Variants in PDZRN3 observed in about 807,000 individuals in gnomAD.
PDZRN3 encodes the protein E3 ubiquitin-protein ligase PDZRN3.
Under a neutral mutation model 85.7 loss-of-function variants are expected in PDZRN3, and 38 were observed. The observed-to-expected ratio is 0.44, with a 90% confidence interval of 0.34 to 0.58. The LOEUF (loss-of-function observed/expected upper bound fraction) is 0.58. PDZRN3 is among the 20% of genes least tolerant of loss of function. The pLI, the probability that PDZRN3 is intolerant of heterozygous loss-of-function variation, is 0.01. For synonymous variants in PDZRN3, 759 were observed against 638.0 expected, an observed-to-expected ratio of 1.19 and a Z score of -2.86; for missense variants, 1,629 against 1,506.4, an observed-to-expected ratio of 1.08 and a Z score of -1.35.
At chr3:73,608,456 T>C in intron 2 of PDZRN3, 142 bp downstream of exon 2, 1 of 675,104 alleles carries the variant, frequency 1.5e-6, no homozygotes, top group Non-Finnish European at 2.7e-6. Context: ...GTGAAGATGT[T>C]AGACAGCCAA....
At chr3:73,419,683 A>G (rs1332276334) in intron 3 of PDZRN3, among the ~76,000 whole-genome samples, 1 of 152,186 alleles carries the variant, frequency 6.6e-6, no homozygotes, top group African/African-American at 2.4e-5. Flanking sequence ...CGTGCCTTAC[A>G]GATGAGCTCA....
chr3:73,393,795 G>A (rs548557050), intron 5 of PDZRN3, among the ~76,000 whole-genome samples: 1 of 152,232 alleles, frequency 6.6e-6, no homozygotes, highest in Admixed American at 6.5e-5. Flanking sequence ...GCTCTGTTAT[G>A]TAGAAAACGA....
Position 73,383,381 on chromosome 3 carries a change from G to T in PDZRN3, c.3185C>A (p.Ser1062Ter). 1 of 1,610,176 alleles carries T rather than the reference G, an allele frequency of 6.2e-7. No homozygotes were observed. Among genetic ancestry groups the T allele is most frequent in the Non-Finnish European group, 8.5e-7 (1 of 1,177,916 alleles). The change falls in exon 10 of 10, where the codon TCG becomes TAG. Residue 1062 changes from serine to a stop codon, truncating the protein, a stop_gained. Transcript: ENST00000263666. LOFTEE classifies it high-confidence loss of function. ...DGTRVYNSFL[S>*]VTTV ...AAGTGAAAATTATACAGTAGTCACC[G>T]ATAGGAAGGAATTGTATACTCTAGT...
At chr3:73,588,858 G>A (rs779677266) in intron 3 of PDZRN3, among the ~76,000 whole-genome samples, 4 of 152,150 alleles carry the variant, frequency 2.6e-5, no homozygotes, top group Non-Finnish European at 4.4e-5. Flanking sequence ...ACTGACTCAA[G>A]TCTGAGAAAC....
At chr3:73,464,015 T>A (rs894181508) in intron 3 of PDZRN3, among the ~76,000 whole-genome samples, 1 of 152,176 alleles carries the variant, frequency 6.6e-6, no homozygotes, top group African/African-American at 2.4e-5. Flanking sequence ...AGACAGAGTC[T>A]TACACCGTCT....
rs879510100 is a variant in PDZRN3 at position 73,563,013 on chromosome 3, ATT to A, written c.918+39339_918+39340del. Among the ~76,000 whole-genome samples, 381 of 43,476 alleles carry A rather than the reference ATT, an allele frequency of 8.8e-3. 1 individual carries two copies. The highest frequency in any genetic ancestry group is 0.012 in the Non-Finnish European group (319 of 26,706). 28.5% of individuals were successfully genotyped at this position (43,476 alleles called of 152,430 possible). On this transcript the variant is annotated intron_variant, in intron 3 of 9. Transcript: ENST00000263666. ...TATATATATATATATATATATATAT[ATT>A]TTTTTTTTTTTTTTTTTTTTTGAGA... is the stretch of plus-strand genomic sequence containing the variant.
chr3:73,411,986 G>C (rs1701982342), intron 3 of PDZRN3, among the ~76,000 whole-genome samples: 2 of 152,168 alleles, frequency 1.3e-5, no homozygotes, highest in Non-Finnish European at 2.9e-5. Context: ...AGACAAAAAC[G>C]AGAGACACAG....
intron 3 of PDZRN3, among the ~76,000 whole-genome samples, chr3:73,472,794 GA>G (rs1419200624): frequency 6.6e-6 from 1 of 152,164 alleles, no homozygotes; most frequent in East Asian, 1.9e-4. Flanking sequence ...GTATCGTTCA[GA>G]AAGCTGGATT....
intron 3 of PDZRN3, among the ~76,000 whole-genome samples, chr3:73,407,580 T>C (rs2106737360): frequency 6.6e-6 from 1 of 152,328 alleles, no homozygotes; most frequent in East Asian, 1.9e-4. Context: ...CCTAGAGACA[T>C]TCTTCTATGT....
intron 3 of PDZRN3, among the ~76,000 whole-genome samples, chr3:73,577,962 A>G (rs1255079914): frequency 1.3e-5 from 2 of 152,196 alleles, no homozygotes; most frequent in Non-Finnish European, 2.9e-5. Flanking sequence ...ACAGAGTTGA[A>G]TGGTTGAAGC....
At chr3:73,391,799 A>AT (rs138067568) in intron 5 of PDZRN3, among the ~76,000 whole-genome samples, 179 of 152,308 alleles carry the variant, frequency 1.2e-3, no homozygotes, top group African/African-American at 3.9e-3. Context: ...TTAGGGTGCC[A>AT]TCCTAGGGCT....
intron 1 of PDZRN3, among the ~76,000 whole-genome samples, chr3:73,619,391 A>G (rs748333087): frequency 6.6e-6 from 1 of 152,216 alleles, no homozygotes; most frequent in Non-Finnish European, 1.5e-5. Flanking sequence ...GAGGATAACC[A>G]AAGTAAGAGT....
At chr3:73,582,371 T>C (rs1258008013) in intron 3 of PDZRN3, among the ~76,000 whole-genome samples, 1 of 152,140 alleles carries the variant, frequency 6.6e-6, no homozygotes, top group Non-Finnish European at 1.5e-5. Context: ...GAACTATACA[T>C]TATAGTACAA....
chr3:73,590,192 C>G (rs569882083), intron 3 of PDZRN3, among the ~76,000 whole-genome samples: 5 of 139,482 alleles, frequency 3.6e-5, no homozygotes, highest in African/African-American at 1.3e-4. Flanking sequence ...TCGCTTGAAC[C>G]GGGGAAGCAG....
chr3:73,520,058 A>G (rs1450628819), intron 3 of PDZRN3, among the ~76,000 whole-genome samples: 1 of 152,228 alleles, frequency 6.6e-6, no homozygotes, highest in Non-Finnish European at 1.5e-5. Context: ...AGGGGGGAAC[A>G]CAGAAGAGTT....
chr3:73,548,218 T>C (rs1485730481), intron 3 of PDZRN3, among the ~76,000 whole-genome samples: 2 of 152,222 alleles, frequency 1.3e-5, no homozygotes, highest in Non-Finnish European at 2.9e-5. Flanking sequence ...GAGCAAGCAC[T>C]ACATACCCAA....
At chr3:73,519,569 T>C (rs60956257) in intron 3 of PDZRN3, among the ~76,000 whole-genome samples, 1,589 of 152,274 alleles carry the variant, frequency 0.01, 33 homozygotes, top group African/African-American at 0.036. Context: ...GATCATTAAT[T>C]GTTTCTATAA....
intron 3 of PDZRN3, among the ~76,000 whole-genome samples, chr3:73,585,867 A>C (rs1423037731): frequency 2.0e-5 from 3 of 152,214 alleles, no homozygotes; most frequent in Non-Finnish European, 4.4e-5. Flanking sequence ...TTTTCCAAAA[A>C]TGGTGGCAAA....
At chr3:73,448,733 G>C (rs1575661343) in intron 3 of PDZRN3, among the ~76,000 whole-genome samples, 1 of 152,184 alleles carries the variant, frequency 6.6e-6, no homozygotes. Flanking sequence ...TTAGCTACTA[G>C]GGTGGGCAAG....
Sources: allele counts gnomAD v4.1 joint callset (sites outside exome capture counted in the v4.1 genomes callset), GRCh38; gene constraint gnomAD v4.1.1; transcripts MANE v1.5; gene names NCBI Gene and HGNC (gene_info 2026-07-23, HGNC 2026-07-21).